IL5RA: variants seen among roughly 807,000 people sequenced by gnomAD.
IL5RA encodes the protein interleukin-5 receptor subunit alpha.
Under a neutral mutation model 50.0 loss-of-function variants are expected in IL5RA, and 49 were observed. That is an observed-to-expected ratio of 0.98 (90% CI 0.78 to 1.24). The LOEUF is 1.24. Among genes scored for constraint, IL5RA ranks in the 50% most tolerant of loss-of-function variants. The probability of loss-of-function intolerance (pLI) is 0.00; values close to 1 mark genes in which losing one functional copy is unlikely to be tolerated. For synonymous variants in IL5RA, 202 were observed against 174.0 expected (o/e 1.16, Z -1.26); for missense variants, 600 against 500.4 (o/e 1.20, Z -1.90).
intron 4 of IL5RA, 96 bp from the exon 5 acceptor site, chr3:3,101,926 G>T: frequency 2.8e-6 from 3 of 1,056,902 alleles, no homozygotes; most frequent in South Asian, 1.7e-5. Flanking sequence ...CTTTTTAAAT[G>T]ATTAGTAAGA....
At chr3:3,080,456 G>A (rs761732601) in intron 9 of IL5RA, among the ~76,000 whole-genome samples, 4 of 152,112 alleles carry the variant, frequency 2.6e-5, no homozygotes, top group African/African-American at 9.7e-5. Context: ...TAGGAGCTTC[G>A]CTTCACTTAT....
At chr3:3,091,272 A>T (rs182515337) in intron 9 of IL5RA, among the ~76,000 whole-genome samples, 27 of 152,322 alleles carry the variant, frequency 1.8e-4, no homozygotes, top group Admixed American at 1.2e-3. Flanking sequence ...TGGAGAACAG[A>T]CTACTCGTTG....
intron 9 of IL5RA, among the ~76,000 whole-genome samples, chr3:3,087,414 A>G (rs1338659827): frequency 6.6e-6 from 1 of 152,138 alleles, no homozygotes; most frequent in Non-Finnish European, 1.5e-5. Flanking sequence ...CTCCCAGCTC[A>G]CCTTATCTCA....
chr3:3,109,137 T>C (rs1559883817), intron 1 of IL5RA, among the ~76,000 whole-genome samples: 2 of 152,122 alleles, frequency 1.3e-5, no homozygotes, highest in African/African-American at 4.8e-5. Context: ...CTGTCTCTCC[T>C]TTTTCCCCCT....
intron 9 of IL5RA, among the ~76,000 whole-genome samples, chr3:3,084,737 C>T (rs1053841966): frequency 2.6e-5 from 4 of 152,362 alleles, no homozygotes; most frequent in East Asian, 3.9e-4. Flanking sequence ...GTTCCAAACC[C>T]GGATGTCCCA....
intron 9 of IL5RA, among the ~76,000 whole-genome samples, chr3:3,090,711 C>T (rs555582539): frequency 1.1e-4 from 16 of 151,752 alleles, no homozygotes; most frequent in East Asian, 3.9e-4. Context: ...GGACTACAGG[C>T]GCCCGCCACC....
At chr3:3,100,022 T>G (rs1007496968) in intron 5 of IL5RA, among the ~76,000 whole-genome samples, 1 of 152,180 alleles carries the variant, frequency 6.6e-6, no homozygotes, top group Non-Finnish European at 1.5e-5. Flanking sequence ...TTTCTCAAAT[T>G]ATGTGACTAG....
intron 9 of IL5RA, among the ~76,000 whole-genome samples, chr3:3,090,868 C>T (rs749383119): frequency 1.1e-4 from 16 of 152,012 alleles, no homozygotes; most frequent in Admixed American, 2.6e-4. Flanking sequence ...CCACCACGCC[C>T]GGCCAACACA....
intron 10 of IL5RA, 65 bp downstream of exon 10, chr3:3,076,466 G>T: frequency 9.6e-7 from 1 of 1,037,052 alleles, no homozygotes; most frequent in Non-Finnish European, 1.5e-6. Context: ...CCGGATGCAT[G>T]GTAAGCCTGT....
intron 9 of IL5RA, among the ~76,000 whole-genome samples, chr3:3,080,559 TC>T: frequency 6.6e-6 from 1 of 152,306 alleles, no homozygotes; most frequent in Non-Finnish European, 1.5e-5. Flanking sequence ...ATTGTTTGTA[TC>T]CCCGTTTCTG....
rs940499183 is a variant in IL5RA at position 3,095,560 on chromosome 3, T to C, written c.710-116A>G. 9.3e-6 allele frequency: 8 copies of C among 860,354 alleles called. No homozygotes were observed. The African/African-American group carries it at 1.4e-4, about 15-fold the overall frequency. The allele number at this position is 860,354 out of a possible 1,614,324, so 53.3% of individuals were successfully genotyped here. On this transcript the variant is annotated intron_variant, in intron 7 of 11. Coordinates refer to ENST00000446632, the MANE Select transcript of IL5RA (RefSeq NM_175726.4). ...TTCTAAGATACGCTTTTTTCAAATA[T>C]TTACCATCAGGTCTTAATCAACTGA...
chr3:3,070,108 G>A lies in IL5RA; in HGVS notation c.*117C>T. On this transcript the variant is annotated 3_prime_UTR_variant, in exon 12 of 12. Transcript: ENST00000446632. ...GTGTGTCTGGGTGTATTGCTTCGCA[G>A]GTAAATTGAGTGTTGCCTAAATTCT... 1.5e-6 allele frequency: 1 copy of A among 688,032 alleles called. No individual in the cohort carries two copies. The highest frequency in any genetic ancestry group is 2.6e-6 in the Non-Finnish European group (1 of 385,706). 42.6% of individuals were successfully genotyped at this position (688,032 alleles called of 1,614,324 possible).
chr3:3,088,818 T>A (rs2125967668), intron 9 of IL5RA, among the ~76,000 whole-genome samples: 1 of 152,342 alleles, frequency 6.6e-6, no homozygotes, highest in Admixed American at 6.5e-5. Flanking sequence ...GCAATAGTTT[T>A]GAGCCAGTGA....
At chr3:3,081,478 A>G (rs1702663577) in intron 9 of IL5RA, among the ~76,000 whole-genome samples, 1 of 152,234 alleles carries the variant, frequency 6.6e-6, no homozygotes, top group South Asian at 2.1e-4. Flanking sequence ...GTTTATAACT[A>G]GGTTAAACCA....
chr3:3,074,688 G>T, intron 11 of IL5RA, 94 bp downstream of exon 11: 1 of 687,546 alleles, frequency 1.5e-6, no homozygotes, highest in Non-Finnish European at 2.5e-6. Context: ...TAAAAACCCT[G>T]CCTTATAATA....
At chr3:3,073,896 C>T (rs555571029) in intron 11 of IL5RA, 18 of 402,998 alleles carry the variant, frequency 4.5e-5, no homozygotes, top group African/African-American at 6.3e-5. Context: ...TCGTGGTTTA[C>T]GATAAAGCTA....
chr3:3,072,117 A>C lies in IL5RA; in HGVS notation c.1177-1806T>G, dbSNP rs564952453. Among the ~76,000 whole-genome samples the C allele has an allele frequency of 9.8e-5, 15 of 152,340 alleles. No homozygotes were observed. In the South Asian group the frequency reaches 3.1e-3, roughly 32 times the overall value. On this transcript the variant is annotated intron_variant, in intron 11 of 11. Coordinates refer to ENST00000446632, the MANE Select transcript of IL5RA (RefSeq NM_175726.4). ...TGTCACCCTTGTAGCACAGCCTCTGAGAATGGGTTGGATGGCTTTTGTCCT... is the reference window on the plus strand; with the variant it reads ...TGTCACCCTTGTAGCACAGCCTCTGCGAATGGGTTGGATGGCTTTTGTCCT...
chr3:3,075,496 C>A (rs1702447669), intron 10 of IL5RA, among the ~76,000 whole-genome samples: 1 of 152,074 alleles, frequency 6.6e-6, no homozygotes, highest in African/African-American at 2.4e-5. Flanking sequence ...AGTCACCATC[C>A]CCAGCCGAGT....
In IL5RA at chr3:3,092,430, T is replaced by C; in HGVS notation, c.856-68A>G. On this transcript the variant is annotated intron_variant, in intron 8 of 11. Coordinates refer to ENST00000446632, the MANE Select transcript of IL5RA (RefSeq NM_175726.4). The surrounding 1 kb of genome is among the most constrained non-coding windows in gnomAD (Gnocchi z 4.2). ...AATTTAGTTCTGCCGATTATCAGAA[T>C]GGGAGGTCCTATATAGGTCATGTGA... 6.9e-7 allele frequency: 1 copy of C among 1,449,284 alleles called. No individual in the cohort carries two copies. The highest frequency in any genetic ancestry group is 9.5e-7 in the Non-Finnish European group (1 of 1,047,956). The allele number at this position is 1,449,284 out of a possible 1,614,324, so 89.8% of individuals were successfully genotyped here.
Sources: allele counts gnomAD v4.1 joint callset (sites outside exome capture counted in the v4.1 genomes callset), GRCh38; gene constraint gnomAD v4.1.1; non-coding constraint Gnocchi (gnomAD v3.1); transcripts MANE v1.5; gene names NCBI Gene and HGNC (gene_info 2026-07-23, HGNC 2026-07-21).